The following EXTL3 variants were observed in gnomAD, a reference collection of about 807,000 sequenced individuals.
EXTL3 encodes exostosin like glycosyltransferase 3, also known as exostosin-like 3.
Under a neutral mutation model 69.3 loss-of-function variants are expected in EXTL3, and 27 were observed. That is an observed-to-expected ratio of 0.39 (90% CI 0.29 to 0.54). The LOEUF (loss-of-function observed/expected upper bound fraction) is 0.54, where lower values mean the gene tolerates loss of function less well. EXTL3 is among the 20% of genes least tolerant of loss of function. The pLI is 0.69. For missense variants in EXTL3, 1,003 were observed against 1,231.8 expected (o/e 0.81, Z 2.78); for synonymous variants, 511 against 499.4 (o/e 1.02, Z -0.31).
chr8:28,660,838 CTTTTTTTTTTTTTT>C (rs58151386), intron 1 of EXTL3, among the ~76,000 whole-genome samples: 1 of 46,970 alleles, frequency 2.1e-5, no homozygotes, highest in Non-Finnish European at 3.4e-5. Context: ...CGATTTTTGG[CTTTTTTTTTTTTTT>C]TTTTTTTTTT....
At chr8:28,607,920 G>A (rs969080687) in intron 2 of EXTL3, among the ~76,000 whole-genome samples, 1 of 151,172 alleles carries the variant, frequency 6.6e-6, no homozygotes, top group African/African-American at 2.5e-5. Context: ...AGACCATCCT[G>A]GCTAACACCA....
chr8:28,621,601 C>T (rs1387848657), upstream of EXTL3, among the ~76,000 whole-genome samples: 1 of 152,210 alleles, frequency 6.6e-6, no homozygotes, highest in African/African-American at 2.4e-5. Flanking sequence ...TGTCATAGTT[C>T]CCTAACGCCT....
chr8:28,626,805 C>T (rs552780926), intron 1 of EXTL3, among the ~76,000 whole-genome samples: 159 of 152,316 alleles, frequency 1.0e-3, no homozygotes, highest in Non-Finnish European at 2.0e-3. Context: ...TGGGACAGCC[C>T]TTCCAGGTAA....
chr8:28,696,807 G>C (rs1563206743), upstream of EXTL3: 1 of 152,062 alleles, frequency 6.6e-6, no homozygotes, highest in East Asian at 1.9e-4. Context: ...TGATCTGCCG[G>C]CCTCAGCCTC....
chr8:28,692,035 A>G (rs766325160), intron 1 of EXTL3, among the ~76,000 whole-genome samples: 81 of 152,242 alleles, frequency 5.3e-4, no homozygotes, highest in Non-Finnish European at 8.4e-4. Context: ...CATAGTTAAC[A>G]CATTTCACAG....
intron 1 of EXTL3, among the ~76,000 whole-genome samples, chr8:28,667,491 A>T (rs1012350782): frequency 2.0e-5 from 3 of 152,140 alleles, no homozygotes; most frequent in African/African-American, 7.2e-5. Context: ...TACCCTCCTC[A>T]CTGGACTTGA....
chr8:28,623,262 C>T lies in EXTL3; in HGVS notation c.-53+452C>T, dbSNP rs1806442580. On this transcript the variant is annotated intron_variant, in intron 1 of 6. Transcript: ENST00000523149. The surrounding 1 kb of genome is among the most constrained non-coding windows in gnomAD (Gnocchi z 4.2). ...CGCGCGCTGTCAGGAGGCGCTGTCC[C>T]CGTGGGTAAGCCCGTGCCGTGGGTG... Among the ~76,000 whole-genome samples, 1 of 152,188 alleles carries T rather than the reference C, an allele frequency of 6.6e-6. No homozygotes were observed. Among genetic ancestry groups the T allele is most frequent in the Admixed American group, 6.5e-5 (1 of 15,272 alleles).
chr8:28,689,168 C>CT (rs1800571255), intron 1 of EXTL3, among the ~76,000 whole-genome samples: 1 of 152,160 alleles, frequency 6.6e-6, no homozygotes, highest in Non-Finnish European at 1.5e-5. Flanking sequence ...CCCTTGCAGT[C>CT]TTTTTTCGTA....
chr8:28,608,835 G>A (rs1324208680), intron 2 of EXTL3, among the ~76,000 whole-genome samples: 1 of 151,954 alleles, frequency 6.6e-6, no homozygotes, highest in East Asian at 1.9e-4. Flanking sequence ...CTCCAGGCTG[G>A]GAGATAGAGC....
At chr8:28,663,489 G>A (rs764922730) in intron 1 of EXTL3, among the ~76,000 whole-genome samples, 6 of 151,900 alleles carry the variant, frequency 3.9e-5, no homozygotes, top group Non-Finnish European at 8.8e-5. Context: ...GTCTCGCTGT[G>A]TCGCCACGCT....
chr8:28,634,256 C>T (rs558706183), intron 1 of EXTL3, among the ~76,000 whole-genome samples: 126 of 152,270 alleles, frequency 8.3e-4, no homozygotes, highest in Non-Finnish European at 1.4e-3. Context: ...ATGATCGGTT[C>T]ACATCTGGGC....
At chr8:28,700,108 A>G (rs987815729), upstream of EXTL3, 1 of 152,140 alleles carries the variant, frequency 6.6e-6, no homozygotes, top group Non-Finnish European at 1.5e-5. Context: ...ATTTCCTGCA[A>G]TACTTCTGAT....
intron 3 of EXTL3, among the ~76,000 whole-genome samples, chr8:28,724,481 TC>T (rs960100851): frequency 1.8e-4 from 27 of 152,096 alleles, no homozygotes; most frequent in South Asian, 1.7e-3. Flanking sequence ...AATAATGTAG[TC>T]CTTGGCTGGG....
At chr8:28,733,580 A>G (rs902150476) in intron 4 of EXTL3, among the ~76,000 whole-genome samples, 4 of 99,304 alleles carry the variant, frequency 4.0e-5, no homozygotes, top group Admixed American at 1.1e-4. Flanking sequence ...TTTTTTTTGT[A>G]CAGATGGGTT....
At position 28,717,197 on chromosome 8, in the gene EXTL3, A is replaced by G. The variant is rs1383224381; in HGVS notation, c.1138A>G (p.Ile380Val). The G allele has an allele frequency of 6.2e-7, 1 of 1,614,240 alleles. No individual in the cohort carries two copies. The highest frequency in any genetic ancestry group is 1.7e-5 in the Admixed American group (1 of 60,032). ...DPPADYDDRI[I>V]ATLKAVQDSK... The stretch of plus-strand genomic sequence containing the variant: ...TCCCGCCGACTACGATGACCGGATC[A>G]TTGCCACCCTGAAGGCGGTGCAGGA... The change falls in exon 3 of 7, where the codon ATT becomes GTT. Residue 380 changes from isoleucine to valine, a missense_variant. Ile to Val is a conservative substitution (Grantham distance 29). Transcript: ENST00000220562. The surrounding 1 kb of genome is among the most constrained non-coding windows in gnomAD (Gnocchi z 8.3).
At chr8:28,649,270 A>T (rs951403798) in intron 1 of EXTL3, among the ~76,000 whole-genome samples, 2 of 152,104 alleles carry the variant, frequency 1.3e-5, no homozygotes, top group Non-Finnish European at 2.9e-5. Context: ...ATTTATCTAG[A>T]GCTGCAATTG....
intron 1 of EXTL3, among the ~76,000 whole-genome samples, chr8:28,643,974 A>G (rs1176966959): frequency 6.6e-6 from 1 of 152,182 alleles, no homozygotes; most frequent in Non-Finnish European, 1.5e-5. Context: ...TCTGTTGCCC[A>G]GGCTGGTCTC....
intron 3 of EXTL3, among the ~76,000 whole-genome samples, chr8:28,728,072 T>C (rs1348396269): frequency 6.6e-6 from 1 of 152,224 alleles, no homozygotes; most frequent in African/African-American, 2.4e-5. Context: ...ATCAGTTCTG[T>C]ACTGAGTGAA....
chr8:28,640,606 CT>C (rs1439097304), intron 1 of EXTL3, among the ~76,000 whole-genome samples: 1 of 152,078 alleles, frequency 6.6e-6, no homozygotes, highest in African/African-American at 2.4e-5. Flanking sequence ...GTATTTTTAA[CT>C]TAATTATTTT....
Sources: gnomAD v4.1 joint callset for allele counts (sites outside exome capture counted in the v4.1 genomes callset) on GRCh38, gnomAD v4.1.1 for gene constraint, Gnocchi (gnomAD v3.1) non-coding constraint, MANE v1.5 for transcripts, NCBI Gene and HGNC (gene_info 2026-07-23, HGNC 2026-07-21) for gene names.